UNC13B: variants seen among roughly 807,000 people sequenced by gnomAD.
The protein encoded by UNC13B is unc-13 homolog B, also known as protein unc-13 homolog B.
UNC13B carries 144 observed loss-of-function variants against 211.0 expected under a neutral mutation model. That is an observed-to-expected ratio of 0.68 (90% confidence interval 0.60 to 0.78). UNC13B has a LOEUF of 0.78. Ranked by LOEUF, UNC13B falls within the 30% of genes least tolerant of loss-of-function variation. UNC13B has a pLI of 0.00. For synonymous variants in UNC13B, 709 were observed against 725.8 expected (o/e 0.98, Z 0.37); for missense variants, 1,777 against 2,002.0 (o/e 0.89, Z 2.14).
At chr9:35,255,871 A>C (rs1018917293) in intron 6 of UNC13B, among the ~76,000 whole-genome samples, 1 of 152,204 alleles carries the variant, frequency 6.6e-6, no homozygotes, top group Non-Finnish European at 1.5e-5. Flanking sequence ...GTCCCCGGGC[A>C]AGAAGGGGGT....
Position 35,381,573 on chromosome 9 carries a change from C to G in UNC13B, c.10509C>G (p.Leu3503=). The change falls in exon 20 of 40, where the codon CTC becomes CTG. Residue 3503 remains leucine (L), a synonymous_variant. Coordinates refer to ENST00000635942, the MANE Select transcript of UNC13B (RefSeq NM_001371189.2). ...TCCTGCAGAATCTTTTCCATTACCTCACAGACATTCAGGGCAGTGGAGGAG... is the reference window on the plus strand; with the variant it reads ...TCCTGCAGAATCTTTTCCATTACCTGACAGACATTCAGGGCAGTGGAGGAG... The part of the protein sequence containing the change: ...TCLHENLFHY[L]TDIQGSGGVR... 1 of 1,613,922 alleles carries G rather than the reference C, an allele frequency of 6.2e-7. No individual in the cohort carries two copies. Among genetic ancestry groups the G allele is most frequent in the South Asian group, 1.1e-5 (1 of 91,062 alleles).
chr9:35,253,395 TA>T (rs1447455034), intron 6 of UNC13B, among the ~76,000 whole-genome samples: 1 of 152,162 alleles, frequency 6.6e-6, no homozygotes, highest in African/African-American at 2.4e-5. Context: ...CATCTTTGGT[TA>T]ATGGGAGTTT....
chr9:35,319,297 G>A (rs1231413291), intron 11 of UNC13B, among the ~76,000 whole-genome samples: 1 of 149,672 alleles, frequency 6.7e-6, no homozygotes, highest in East Asian at 2.0e-4. Context: ...CAGCTACTTG[G>A]GAGGCTGAGG....
intron 11 of UNC13B, among the ~76,000 whole-genome samples, chr9:35,334,763 G>A (rs374689643): frequency 3.3e-5 from 5 of 152,190 alleles, no homozygotes; most frequent in Admixed American, 1.3e-4. Context: ...GTGGCCGGGC[G>A]CGGTGGCTCA....
At chr9:35,403,711 C>G in intron 39 of UNC13B, 37 bp from the exon 40 acceptor site, 1 of 1,609,932 alleles carries the variant, frequency 6.2e-7, no homozygotes. Flanking sequence ...GCTGAAGACT[C>G]AACTCTGGCC....
At chr9:35,370,274 C>G (rs1315867156) in intron 12 of UNC13B, 44 bp from the exon 13 acceptor site, 1 of 1,589,998 alleles carries the variant, frequency 6.3e-7, no homozygotes. Context: ...CCAGCTAACT[C>G]AAAGCAAGAC....
At chr9:35,256,653 A>G (rs1255471945) in intron 6 of UNC13B, among the ~76,000 whole-genome samples, 1 of 152,168 alleles carries the variant, frequency 6.6e-6, no homozygotes, top group Non-Finnish European at 1.5e-5. Context: ...CAGATATTGA[A>G]CTGGCCTAGC....
At chr9:35,225,684 G>A (rs1012527351) in intron 1 of UNC13B, among the ~76,000 whole-genome samples, 1 of 152,062 alleles carries the variant, frequency 6.6e-6, no homozygotes, top group Non-Finnish European at 1.5e-5. Context: ...CAGTGGTGTA[G>A]GCTATAATTG....
intron 11 of UNC13B, among the ~76,000 whole-genome samples, chr9:35,333,530 C>T (rs1274360193): frequency 6.6e-6 from 1 of 152,202 alleles, no homozygotes; most frequent in African/African-American, 2.4e-5. Context: ...TGTTAATATC[C>T]TTTTCTTTCC....
At chr9:35,200,748 G>A (rs1823235505) in intron 1 of UNC13B, among the ~76,000 whole-genome samples, 2 of 152,074 alleles carry the variant, frequency 1.3e-5, no homozygotes, top group Admixed American at 6.6e-5. Flanking sequence ...GAGATGATGG[G>A]GTTTTCTAGA....
intron 11 of UNC13B, among the ~76,000 whole-genome samples, chr9:35,336,048 T>C (rs1831638099): frequency 6.6e-6 from 1 of 152,086 alleles, no homozygotes; most frequent in African/African-American, 2.4e-5. Context: ...TGCTTGCCCC[T>C]TAAAACTTGA....
At chr9:35,283,202 T>C (rs1828607663) in intron 7 of UNC13B, among the ~76,000 whole-genome samples, 1 of 152,210 alleles carries the variant, frequency 6.6e-6, no homozygotes, top group Non-Finnish European at 1.5e-5. Context: ...TGATTAATAT[T>C]TGTTCCCTTC....
intron 24 of UNC13B, 85 bp from the exon 25 acceptor site, chr9:35,389,761 G>C: frequency 6.8e-7 from 1 of 1,468,674 alleles, no homozygotes; most frequent in Non-Finnish European, 9.4e-7. Flanking sequence ...ATAGGAAGGG[G>C]AAGAGAAAGA....
Position 35,238,005 on chromosome 9 carries a change from A to T in UNC13B, c.394+179A>T, listed in dbSNP as rs1030885561. Among the ~76,000 whole-genome samples the T allele has an allele frequency of 3.9e-5, 6 of 152,302 alleles. No homozygotes were observed. The South Asian group carries it at 1.2e-3, about 32-fold the overall frequency. On this transcript the variant is annotated intron_variant, in intron 5 of 39. Coordinates refer to ENST00000635942, the MANE Select transcript of UNC13B (RefSeq NM_001371189.2). ...GGAATGGTGCAAAGTAGAATATAGAATAGTGCTCATTAAAGAATCTACACT... is the reference window on the plus strand; with the variant it reads ...GGAATGGTGCAAAGTAGAATATAGATTAGTGCTCATTAAAGAATCTACACT...
intron 28 of UNC13B, 25 bp downstream of exon 28, chr9:35,396,962 C>T (rs752921758): frequency 1.3e-5 from 21 of 1,613,034 alleles, no homozygotes; most frequent in African/African-American, 5.3e-5. Context: ...TTGGCTGCAC[C>T]GGGTTCAGGC....
intron 37 of UNC13B, among the ~76,000 whole-genome samples, chr9:35,402,269 GTTTTCTTT>G (rs1442194519): frequency 6.7e-6 from 1 of 149,804 alleles, no homozygotes; most frequent in African/African-American, 2.5e-5. Flanking sequence ...TTGTGGTGGT[GTTTTCTTT>G]TTTTCTTTTT....
At chr9:35,240,116 G>C (rs576506835) in intron 5 of UNC13B, among the ~76,000 whole-genome samples, 43 of 152,138 alleles carry the variant, frequency 2.8e-4, no homozygotes, top group Non-Finnish European at 5.4e-4. Flanking sequence ...TTGCAGTAAA[G>C]ACAGGCTTAA....
chr9:35,298,759 C>G (rs1337164080), intron 8 of UNC13B, among the ~76,000 whole-genome samples: 2 of 152,182 alleles, frequency 1.3e-5, no homozygotes, highest in Non-Finnish European at 2.9e-5. Flanking sequence ...CCATCCCTAC[C>G]TTGGTACACA....
intron 6 of UNC13B, among the ~76,000 whole-genome samples, chr9:35,251,156 G>A (rs375166370): frequency 4.6e-5 from 7 of 151,902 alleles, no homozygotes; most frequent in Non-Finnish European, 1.0e-4. Flanking sequence ...AGTAGAGACA[G>A]GGTTTCACCG....
Sources: gnomAD v4.1 joint callset for allele counts (sites outside exome capture counted in the v4.1 genomes callset) on GRCh38, gnomAD v4.1.1 for gene constraint, MANE v1.5 for transcripts, NCBI Gene and HGNC (gene_info 2026-07-23, HGNC 2026-07-21) for gene names.